NFIB: variants seen among roughly 807,000 people sequenced by gnomAD.
NFIB encodes nuclear factor I B.
A neutral mutation model predicts 61.5 loss-of-function variants in NFIB; 11 were observed. That is an observed-to-expected ratio of 0.18 (90% CI 0.11 to 0.30). NFIB has a LOEUF of 0.30. Among genes scored for constraint, NFIB ranks in the 10% least tolerant of loss-of-function variants. NFIB has a pLI of 1.00. For synonymous variants in NFIB, 260 were observed against 216.5 expected, an observed-to-expected ratio of 1.20 and a Z score of -1.76; for missense variants, 471 against 608.9, an observed-to-expected ratio of 0.77 and a Z score of 2.38.
At chr9:14,321,507 CTG>C (rs2060659092) in intron 1 of NFIB, among the ~76,000 whole-genome samples, 1 of 152,104 alleles carries the variant, frequency 6.6e-6, no homozygotes, top group Non-Finnish European at 1.5e-5. Context: ...ATGAGAATAT[CTG>C]TGAATTAAAA....
chr9:14,392,972 G>C (rs2061642484), intron 1 of NFIB, among the ~76,000 whole-genome samples: 1 of 152,182 alleles, frequency 6.6e-6, no homozygotes, highest in Non-Finnish European at 1.5e-5. Context: ...GTTTATTCAT[G>C]TTTTTACAAA....
the NFIB span, among the ~76,000 whole-genome samples, chr9:14,500,870 T>G: frequency 6.6e-6 from 1 of 152,192 alleles, no homozygotes; most frequent in Non-Finnish European, 1.5e-5. Flanking sequence ...ACTCCCTGGT[T>G]TCTAAACTCA....
intron 6 of NFIB, among the ~76,000 whole-genome samples, chr9:14,142,869 A>T (rs150480350): frequency 6.6e-6 from 1 of 152,208 alleles, no homozygotes; most frequent in South Asian, 2.1e-4. Context: ...CTAAGCAAGG[A>T]GAAATATTCT....
At chr9:14,378,795 C>T (rs905337609) in intron 1 of NFIB, among the ~76,000 whole-genome samples, 4 of 152,166 alleles carry the variant, frequency 2.6e-5, no homozygotes, top group Admixed American at 2.0e-4. Flanking sequence ...GTGATTGTTA[C>T]CTGGAGGGAC....
chr9:14,335,057 A>T (rs569384239), intron 1 of NFIB, among the ~76,000 whole-genome samples: 1 of 152,322 alleles, frequency 6.6e-6, no homozygotes, highest in Admixed American at 6.5e-5. Flanking sequence ...TGTATTGTAT[A>T]ACATAATTTA....
the NFIB span, among the ~76,000 whole-genome samples, chr9:14,432,627 G>A: frequency 6.6e-6 from 1 of 152,226 alleles, no homozygotes; most frequent in African/African-American, 2.4e-5. Flanking sequence ...AGGACTTGCA[G>A]ACTTGAGGCA....
intron 1 of NFIB, among the ~76,000 whole-genome samples, chr9:14,329,512 C>T (rs955684796): frequency 3.9e-5 from 6 of 151,978 alleles, no homozygotes; most frequent in African/African-American, 1.4e-4. Context: ...TTGTCTTTCT[C>T]TTTTTCTTTT....
At chr9:14,477,501 G>T in the NFIB span, among the ~76,000 whole-genome samples, 2 of 152,126 alleles carry the variant, frequency 1.3e-5, no homozygotes, top group Admixed American at 1.3e-4. Flanking sequence ...CTATCATGCC[G>T]AGTAATAATT....
At chr9:14,315,969 G>T (rs2060528205), upstream of NFIB, among the ~76,000 whole-genome samples, 2 of 151,986 alleles carry the variant, frequency 1.3e-5, no homozygotes, top group African/African-American at 4.8e-5. Context: ...GCGTTTCGAG[G>T]CTCGCCCCCG....
intron 2 of NFIB, among the ~76,000 whole-genome samples, chr9:14,210,536 A>C (rs1010079417): frequency 1.3e-5 from 2 of 152,184 alleles, no homozygotes; most frequent in Non-Finnish European, 2.9e-5. Context: ...AAGTATACAT[A>C]CACACATGTG....
the NFIB span, among the ~76,000 whole-genome samples, chr9:14,522,143 T>C: frequency 6.6e-6 from 1 of 152,210 alleles, no homozygotes; most frequent in East Asian, 1.9e-4. Context: ...ACAACAATAA[T>C]TACAAGCTAC....
chr9:14,515,335 G>A, the NFIB span, among the ~76,000 whole-genome samples: 1 of 152,176 alleles, frequency 6.6e-6, no homozygotes, highest in African/African-American at 2.4e-5. Context: ...ACAGGATGCT[G>A]TGCTAAAACC....
chr9:14,381,061 G>A (rs533272033), intron 1 of NFIB, among the ~76,000 whole-genome samples: 176 of 108,936 alleles, frequency 1.6e-3, no homozygotes, highest in Non-Finnish European at 2.4e-3. Flanking sequence ...GCAACAGAGC[G>A]AGACTCCGTC....
At chr9:14,210,964 GT>G (rs754744983) in intron 2 of NFIB, among the ~76,000 whole-genome samples, 5 of 152,088 alleles carry the variant, frequency 3.3e-5, no homozygotes, top group Non-Finnish European at 4.4e-5. Context: ...TAATTAATAG[GT>G]TGAAACCGTA....
chr9:14,446,723 T>C, the NFIB span, among the ~76,000 whole-genome samples: 36,620 of 152,018 alleles, frequency 0.24, 4,753 homozygotes, highest in South Asian at 0.34. Flanking sequence ...ATATATTCTG[T>C]CTCTTAAATA....
intron 1 of NFIB, among the ~76,000 whole-genome samples, chr9:14,397,650 A>C (rs1173908595): frequency 1.1e-4 from 17 of 152,222 alleles, no homozygotes; most frequent in Non-Finnish European, 2.9e-5. Context: ...CATGCTTATT[A>C]CTTTGTAACC....
chr9:14,155,769 AT>A, intron 4 of NFIB, 55 bp downstream of exon 4: 1 of 1,114,732 alleles, frequency 9.0e-7, no homozygotes, highest in Middle Eastern at 2.1e-4. Flanking sequence ...GGTTCAAAAT[AT>A]AAAGTATTTT....
intron 10 of NFIB, chr9:14,102,362 C>A: frequency 7.1e-7 from 1 of 1,400,434 alleles, no homozygotes; most frequent in Non-Finnish European, 9.8e-7. Context: ...TAAAAACAAA[C>A]ACTATAGCTC....
chr9:14,404,367 A>G, the NFIB span, among the ~76,000 whole-genome samples: 1 of 152,186 alleles, frequency 6.6e-6, no homozygotes, highest in Non-Finnish European at 1.5e-5. Flanking sequence ...GTGGTGAGCA[A>G]GACAGCTCTA....
Sources: allele counts gnomAD v4.1 joint callset (sites outside exome capture counted in the v4.1 genomes callset), GRCh38; gene constraint gnomAD v4.1.1; transcripts MANE v1.5; gene names NCBI Gene and HGNC (gene_info 2026-07-23, HGNC 2026-07-21).